The following POLR2K variants were observed in gnomAD, a reference collection of about 807,000 sequenced individuals.
POLR2K encodes the protein DNA-directed RNA polymerases I, II, and III subunit RPABC4.
Under a neutral mutation model 10.1 loss-of-function variants are expected in POLR2K, and 9 were observed. The observed-to-expected ratio is 0.89, with a 90% CI of 0.54 to 1.56. The LOEUF is 1.56. POLR2K is among the 40% of genes most tolerant of loss of function. The probability of loss-of-function intolerance (pLI) is 0.00; values close to 1 mark genes in which losing one functional copy is unlikely to be tolerated. For missense variants in POLR2K, 53 were observed against 71.9 expected, an observed-to-expected ratio of 0.74 and a Z score of 0.95; for synonymous variants, 19 against 20.3, an observed-to-expected ratio of 0.94 and a Z score of 0.17.
intron 2 of POLR2K, 178 bp downstream of exon 2, chr8:100,151,594 T>A (rs770535118): frequency 3.3e-6 from 2 of 605,292 alleles, no homozygotes; most frequent in East Asian, 5.5e-5. Flanking sequence ...GTCTTCTGTT[T>A]ACTAACAGAA....
In POLR2K at chr8:100,152,050, T is replaced by C. The variant is rs1814927381; in HGVS notation, c.154+134T>C. ...CTTAAAAAACAAACATGATTAGCAT[T>C]TTCATGGACCAATGCATAGGCTCTA... On this transcript the variant is annotated intron_variant, in intron 3 of 3. Transcript: ENST00000353107. 3 of 659,316 alleles carry C rather than the reference T, an allele frequency of 4.6e-6. No individual in the cohort carries two copies. The South Asian group carries it at 5.2e-5, about 11-fold the overall frequency. The allele number at this position is 659,316 out of a possible 1,614,324, so 40.8% of individuals were successfully genotyped here. A position where few individuals can be genotyped will look rare whatever the true frequency, so the allele number is the denominator to read the frequency against.
At chr8:100,153,048 G>T (rs536638988) in intron 3 of POLR2K, among the ~76,000 whole-genome samples, 1 of 152,168 alleles carries the variant, frequency 6.6e-6, no homozygotes, top group Admixed American at 6.5e-5. Context: ...GATTACAGGC[G>T]TGAGCCACTG....
chr8:100,151,573 G>A, intron 2 of POLR2K, 157 bp downstream of exon 2: 1 of 623,300 alleles, frequency 1.6e-6, no homozygotes, highest in Admixed American at 2.9e-5. Context: ...GTAGACCTGG[G>A]TTCGTCCTTG....
intron 3 of POLR2K, among the ~76,000 whole-genome samples, chr8:100,152,721 C>T (rs1454289296): frequency 1.2e-4 from 19 of 152,014 alleles, no homozygotes. Context: ...CATTGTAAAT[C>T]GACGGATTAT....
rs1461193510 is a variant in POLR2K at position 100,153,534 on chromosome 8, ATAAAT to A, written c.*222_*226del. ...ATATACCTATGATAAAGTATAATGT[ATAAAT>A]TAAGCATAGCAAGAGATTAATAATA... On this transcript the variant is annotated 3_prime_UTR_variant, in exon 4 of 4. Transcript: ENST00000353107. The A allele has an allele frequency of 2.4e-6, 1 of 423,572 alleles. No homozygotes were observed. Among genetic ancestry groups the A allele is most frequent in the African/African-American group, 2.1e-5 (1 of 48,688 alleles). The allele number at this position is 423,572 out of a possible 1,614,324, so 26.2% of individuals were successfully genotyped here. A position where few individuals can be genotyped will look rare whatever the true frequency, so the allele number is the denominator to read the frequency against.
rs1179045879 is a variant in POLR2K at position 100,153,589 on chromosome 8, C to T, written c.*273C>T. 6.5e-6 allele frequency: 2 copies of T among 308,256 alleles called. No homozygotes were observed. Among genetic ancestry groups the T allele is most frequent in the Non-Finnish European group, 1.2e-5 (2 of 170,458 alleles). The allele number at this position is 308,256 out of a possible 1,614,324, so 19.1% of individuals were successfully genotyped here. A position where few individuals can be genotyped will look rare whatever the true frequency, so the allele number is the denominator to read the frequency against. ...AATGTAATAGAACAATGATAACATA[C>T]TATAATAAAAGTTATGTGAATGTGG... On this transcript the variant is annotated 3_prime_UTR_variant, in exon 4 of 4. Transcript: ENST00000353107.
chr8:100,150,892 G>T (rs1563758762), intron 1 of POLR2K, among the ~76,000 whole-genome samples, 183 bp downstream of exon 1: 2 of 152,098 alleles, frequency 1.3e-5, no homozygotes, highest in Non-Finnish European at 2.9e-5. Flanking sequence ...TTATTTCATT[G>T]TTCTTCCCTC....
chr8:100,153,020 A>G (rs1253099559), intron 3 of POLR2K, among the ~76,000 whole-genome samples: 2 of 152,208 alleles, frequency 1.3e-5, no homozygotes, highest in African/African-American at 4.8e-5. Context: ...CGCCCACCTC[A>G]GCCTCCCAAA....
At chr8:100,150,919 T>A (rs1814909079) in intron 1 of POLR2K, among the ~76,000 whole-genome samples, 1 of 152,228 alleles carries the variant, frequency 6.6e-6, no homozygotes, top group Admixed American at 6.5e-5. Context: ...CCTGTTCCCC[T>A]GTTGAGGGAT....
rs1241264788 is a variant in POLR2K at position 100,153,482 on chromosome 8, C to A, written c.*166C>A. 9.0e-6 allele frequency: 5 copies of A among 552,658 alleles called. No homozygotes were observed. The highest frequency in any genetic ancestry group is 1.6e-5 in the Non-Finnish European group (5 of 311,820). The allele number at this position is 552,658 out of a possible 1,614,324, so 34.2% of individuals were successfully genotyped here. On this transcript the variant is annotated 3_prime_UTR_variant, in exon 4 of 4. Transcript: ENST00000353107. ...TCCTGAAACCTCAAACAGTACCAAA[C>A]CTTTATACACTGTTTTTTCCATATA...
Position 100,153,539 on chromosome 8 carries a change from T to C in POLR2K, c.*223T>C, listed in dbSNP as rs1814947687. On this transcript the variant is annotated 3_prime_UTR_variant, in exon 4 of 4. Transcript: ENST00000353107. ...CCTATGATAAAGTATAATGTATAAA[T>C]TAAGCATAGCAAGAGATTAATAATA... 3 of 413,472 alleles carry C rather than the reference T, an allele frequency of 7.3e-6. No individual in the cohort carries two copies. Among genetic ancestry groups the C allele is most frequent in the African/African-American group, 2.1e-5 (1 of 48,460 alleles). The allele number at this position is 413,472 out of a possible 1,614,324, so 25.6% of individuals were successfully genotyped here.
chr8:100,151,306 A>G (rs1372942821), intron 1 of POLR2K, 41 bp from the exon 2 acceptor site: 3 of 1,289,980 alleles, frequency 2.3e-6, no homozygotes, highest in Non-Finnish European at 3.4e-6. Context: ...ACTTGTGAGA[A>G]GCCCTTTTGA....
chr8:100,151,542 TA>T (rs1356813146), intron 2 of POLR2K, 126 bp downstream of exon 2: 9 of 709,048 alleles, frequency 1.3e-5, no homozygotes, highest in Admixed American at 5.1e-5. Flanking sequence ...TTAGCAACCA[TA>T]AAAAAAATCG....
intron 3 of POLR2K, among the ~76,000 whole-genome samples, chr8:100,152,830 A>G (rs866653274): frequency 5.3e-5 from 8 of 152,094 alleles, no homozygotes; most frequent in African/African-American, 1.7e-4. Context: ...CAGTGACGCA[A>G]TCTCGGCTCA....
chr8:100,151,006 T>C (rs1280382929), intron 1 of POLR2K, among the ~76,000 whole-genome samples: 1 of 152,212 alleles, frequency 6.6e-6, no homozygotes, highest in Admixed American at 6.5e-5. Context: ...AGCTTTACAG[T>C]CAGATCTGTA....
intron 3 of POLR2K, 88 bp from the exon 4 acceptor site, chr8:100,153,205 CA>C (rs1453413721): frequency 1.1e-6 from 1 of 882,402 alleles, no homozygotes; most frequent in African/African-American, 1.7e-5. Context: ...AATAACAAAC[CA>C]GCTTATTGCA....
rs773760622 is a variant in POLR2K, at chr8:100,151,323, C to G, written c.-9-24C>G. ...TTGTGAGAAGCCCTTTTGAGATATT[C>G]AGTATTTGAGTCTGTGATTTCAGGG... is the stretch of plus-strand genomic sequence containing the variant. On this transcript the variant is annotated intron_variant, in intron 1 of 3. Coordinates refer to ENST00000353107, the MANE Select transcript of POLR2K (RefSeq NM_005034.4). 4.0e-6 allele frequency: 6 copies of G among 1,500,114 alleles called. No homozygotes were observed. In the Admixed American group the frequency reaches 5.0e-5, roughly 13 times the overall value. 92.9% of individuals were successfully genotyped at this position (1,500,114 alleles called of 1,614,324 possible). A position where few individuals can be genotyped will look rare whatever the true frequency, so the allele number is the denominator to read the frequency against.
chr8:100,152,890 C>G (rs538847924), intron 3 of POLR2K, among the ~76,000 whole-genome samples: 7 of 152,182 alleles, frequency 4.6e-5, no homozygotes, highest in African/African-American at 1.7e-4. Flanking sequence ...GCCTCAGCCT[C>G]CTGAGTAGCT....
chr8:100,151,310 C>G, intron 1 of POLR2K, 37 bp from the exon 2 acceptor site: 2 of 1,370,552 alleles, frequency 1.5e-6, no homozygotes. Context: ...GTGAGAAGCC[C>G]TTTTGAGATA....
Sources: gnomAD v4.1 joint callset for allele counts (sites outside exome capture counted in the v4.1 genomes callset) on GRCh38, gnomAD v4.1.1 for gene constraint, MANE v1.5 for transcripts, NCBI Gene and HGNC (gene_info 2026-07-23, HGNC 2026-07-21) for gene names.